The following APC variants were observed in gnomAD, a reference collection of about 807,000 sequenced individuals.
The protein encoded by APC is adenomatous polyposis coli protein.
In APC, 72 loss-of-function variants were observed where a neutral mutation model predicts 247.0. The observed-to-expected ratio is 0.29, with a 90% CI of 0.24 to 0.35. APC has a LOEUF of 0.35. Ranked by LOEUF, APC falls within the 10% of genes least tolerant of loss-of-function variation. The probability of loss-of-function intolerance (pLI) is 1.00; values close to 1 mark genes in which losing one functional copy is unlikely to be tolerated. For missense variants in APC, 3,400 were observed against 3,360.7 expected, an observed-to-expected ratio of 1.01 and a Z score of -0.29; for synonymous variants, 1,254 against 1,162.5, an observed-to-expected ratio of 1.08 and a Z score of -1.60.
chr5:112,707,853 A>C lies in APC; in HGVS notation c.136A>C (p.Thr46Pro), dbSNP rs766151900. ...GACGAAGAGCCCGGGCGGCGCTCGT[A>C]CTTCTGGCCACTGGGCGAGCGTCTG... Residue 46 changes from threonine (T) to proline (P), a missense_variant, in exon 1 of 14, where the codon ACT becomes CCT. Coordinates refer to the APC transcript ENST00000507379. 4.4e-6 allele frequency: 6 copies of C among 1,369,710 alleles called. No homozygotes were observed. The South Asian group carries it at 7.3e-5, about 17-fold the overall frequency. The allele number at this position is 1,369,710 out of a possible 1,614,324, so 84.8% of individuals were successfully genotyped here. A position where few individuals can be genotyped will look rare whatever the true frequency, so the allele number is the denominator to read the frequency against.
intron 1 of APC, among the ~76,000 whole-genome samples, chr5:112,713,113 G>T (rs1630082): frequency 0.013 from 1,904 of 150,652 alleles, 19 homozygotes; most frequent in Middle Eastern, 0.044. Context: ...GGAGGTTGCA[G>T]TGAGCCAGGA....
intron 6 of APC, among the ~76,000 whole-genome samples, chr5:112,788,442 C>T (rs1444509424): frequency 1.3e-5 from 2 of 152,128 alleles, no homozygotes; most frequent in Non-Finnish European, 2.9e-5. Context: ...CCCAGACCTG[C>T]CACTTAGCAA....
chr5:112,734,240 T>C (rs192639615), upstream of APC, among the ~76,000 whole-genome samples: 1 of 152,250 alleles, frequency 6.6e-6, no homozygotes, highest in East Asian at 1.9e-4. Context: ...GACAGACATA[T>C]AGATAAAGAT....
intron 14 of APC, among the ~76,000 whole-genome samples, chr5:112,834,488 A>C (rs1397687525): frequency 7.3e-6 from 1 of 136,056 alleles, no homozygotes; most frequent in African/African-American, 2.8e-5. Context: ...CAGATGATCC[A>C]CCCGTCAGCC....
At chr5:112,708,066 T>G (rs1051901698) in intron 1 of APC, among the ~76,000 whole-genome samples, 1 of 152,186 alleles carries the variant, frequency 6.6e-6, no homozygotes, top group Non-Finnish European at 1.5e-5. Flanking sequence ...TTGCAGGTCC[T>G]CCATTCTCAC....
intron 5 of APC, among the ~76,000 whole-genome samples, chr5:112,778,688 A>AGGT (rs36093821): frequency 6.6e-6 from 1 of 151,232 alleles, no homozygotes; most frequent in Non-Finnish European, 1.5e-5. Context: ...CTGGGACTAC[A>AGGT]GCATGCCACC....
At chr5:112,736,071 G>T (rs762217665), upstream of APC, among the ~76,000 whole-genome samples, 21 of 152,174 alleles carry the variant, frequency 1.4e-4, no homozygotes, top group Middle Eastern at 3.2e-3. Context: ...CCTTCTGGAA[G>T]TTCTAGGCCT....
At chr5:112,743,218 C>A (rs1243207620) in intron 1 of APC, among the ~76,000 whole-genome samples, 1 of 152,140 alleles carries the variant, frequency 6.6e-6, no homozygotes, top group Non-Finnish European at 1.5e-5. Flanking sequence ...CTTCTCTGAC[C>A]CTTCTGCCTC....
At chr5:112,799,132 C>T (rs1360459290) in intron 7 of APC, among the ~76,000 whole-genome samples, 2 of 137,092 alleles carry the variant, frequency 1.5e-5, no homozygotes, top group African/African-American at 2.8e-5. Flanking sequence ...TCGTTTGAGC[C>T]GAGATTGCGC....
intron 5 of APC, among the ~76,000 whole-genome samples, chr5:112,780,091 T>C (rs1580377212): frequency 6.6e-6 from 1 of 152,342 alleles, no homozygotes; most frequent in East Asian, 1.9e-4. Flanking sequence ...AAAATCCTGT[T>C]GCATGCTTGG....
At chr5:112,730,910 C>T (rs578158871) in intron 1 of APC, among the ~76,000 whole-genome samples, 5 of 151,876 alleles carry the variant, frequency 3.3e-5, no homozygotes, top group South Asian at 2.1e-4. Flanking sequence ...TCAGAAAAAC[C>T]GAAATTCTTG....
rs2149993878 is a variant in APC at position 112,843,383 on chromosome 5, G to C, written c.7789G>C (p.Gly2597Arg). The change falls in exon 16 of 16, where the codon GGA (glycine) becomes CGA (arginine). Residue 2597 changes from glycine to arginine, a missense_variant. Physicochemically the swap from Gly to Arg is moderately radical, Grantham distance 125 (BLOSUM62 -2). Transcript: ENST00000257430. This position sits in a 1 kb window ranked among gnomAD's most constrained non-coding sequence, Gnocchi z 4.8. The part of the protein sequence containing the change: ...EDEKHVNSIS[G>R]TKQSKENQVS... ...TGAAAAACATGTGAACTCTATTTCA[G>C]GAACCAAACAAAGTAAAGAAAACCA... 1 of 1,613,582 alleles carries C rather than the reference G, an allele frequency of 6.2e-7. No individual in the cohort carries two copies. The highest frequency in any genetic ancestry group is 8.5e-7 in the Non-Finnish European group (1 of 1,179,730).
intron 3 of APC, among the ~76,000 whole-genome samples, chr5:112,766,878 G>A (rs1756394503): frequency 6.6e-6 from 1 of 152,188 alleles, no homozygotes; most frequent in Non-Finnish European, 1.5e-5. Context: ...GAAAATTCCA[G>A]TGTCAGAACA....
intron 1 of APC, among the ~76,000 whole-genome samples, chr5:112,744,028 G>C (rs1753342120): frequency 6.6e-6 from 1 of 151,824 alleles, no homozygotes; most frequent in South Asian, 2.1e-4. Flanking sequence ...TTTTCATAAG[G>C]AGAGAGTCTC....
chr5:112,833,148 G>A (rs1164492102), intron 14 of APC, among the ~76,000 whole-genome samples: 3 of 151,052 alleles, frequency 2.0e-5, no homozygotes, highest in African/African-American at 7.3e-5. Flanking sequence ...CAAGTAGCTG[G>A]ACCTATAGGT....
At chr5:112,709,539 C>A (rs1346563207) in intron 1 of APC, among the ~76,000 whole-genome samples, 1 of 152,136 alleles carries the variant, frequency 6.6e-6, no homozygotes, top group Non-Finnish European at 1.5e-5. Flanking sequence ...CAATCAGTGG[C>A]TCACTGCTTC....
intron 1 of APC, among the ~76,000 whole-genome samples, chr5:112,727,272 T>C (rs530087581): frequency 1.3e-5 from 2 of 152,186 alleles, no homozygotes; most frequent in South Asian, 4.1e-4. Flanking sequence ...TTTTATAGTC[T>C]ATACTTTTAA....
At chr5:112,745,558 T>G (rs923013257) in intron 1 of APC, among the ~76,000 whole-genome samples, 7 of 147,834 alleles carry the variant, frequency 4.7e-5, no homozygotes, top group African/African-American at 1.5e-4. Flanking sequence ...TTTATTATTA[T>G]TATTATTATT....
intron 7 of APC, among the ~76,000 whole-genome samples, chr5:112,798,823 G>A (rs1760481632): frequency 6.6e-6 from 1 of 152,120 alleles, no homozygotes; most frequent in African/African-American, 2.4e-5. Flanking sequence ...AATTGCCTGG[G>A]TTGGAATTCC....
Sources: allele counts gnomAD v4.1 joint callset (sites outside exome capture counted in the v4.1 genomes callset), GRCh38; gene constraint gnomAD v4.1.1; non-coding constraint Gnocchi (gnomAD v3.1); transcripts MANE v1.5; gene names NCBI Gene and HGNC (gene_info 2026-07-23, HGNC 2026-07-21).